RNF111: variants seen among roughly 807,000 people sequenced by gnomAD.
RNF111 encodes ring finger protein 111.
RNF111 carries 17 observed loss-of-function variants against 95.1 expected under a neutral mutation model. The ratio of observed to expected loss-of-function variants is 0.18; its 90% confidence interval spans 0.12 to 0.27. RNF111 has a LOEUF of 0.27. Ranked by LOEUF, RNF111 falls within the 10% of genes least tolerant of loss-of-function variation. RNF111 has a pLI of 1.00. For synonymous variants in RNF111, 440 were observed against 414.8 expected, an observed-to-expected ratio of 1.06 and a Z score of -0.74; for missense variants, 1,189 against 1,210.4, an observed-to-expected ratio of 0.98 and a Z score of 0.26.
Position 59,097,201 on chromosome 15 carries a change from A to G in RNF111, c.*2301A>G, listed in dbSNP as rs940026364. On this transcript the variant is annotated 3_prime_UTR_variant, in exon 14 of 14. Transcript: ENST00000348370. ...TTTGGTGTCTTCCATATCCTGCTGCATCTTATATGTCAAAATGAACATTTC... is the reference window on the plus strand; with the variant it reads ...TTTGGTGTCTTCCATATCCTGCTGCGTCTTATATGTCAAAATGAACATTTC... 6.6e-6 allele frequency: 1 copy of G among 152,242 alleles called. No individual in the cohort carries two copies. Among genetic ancestry groups the G allele is most frequent in the Non-Finnish European group, 1.5e-5 (1 of 68,046 alleles). The allele number at this position is 152,242 out of a possible 1,614,324, so 9.4% of individuals were successfully genotyped here.
At chr15:59,074,699 C>G (rs1449579237) in intron 6 of RNF111, among the ~76,000 whole-genome samples, 2 of 152,164 alleles carry the variant, frequency 1.3e-5, no homozygotes, top group Admixed American at 6.5e-5. Context: ...GTTTCAGTTT[C>G]TTATCATTTG....
Position 59,075,982 on chromosome 15 carries a change from G to A in RNF111, c.1715G>A (p.Ser572Asn). The change falls in exon 7 of 14, where the codon AGT becomes AAT. Residue 572 changes from serine to asparagine, a missense_variant. Around this residue, in one of 2 missense-constraint regions of RNF111, gnomAD observed 1,024 missense variants for 925.9 expected, o/e 1.11. Transcript: ENST00000348370. ...GCATTGCCAGTGGACCTGAGCAACA[G>A]TGGTATCAGAAGTCATGGAAGTGGC... ...QQALPVDLSN[S>N]GIRSHGSGSF... The A allele has an allele frequency of 6.2e-7, 1 of 1,614,202 alleles. No homozygotes were observed. The highest frequency in any genetic ancestry group is 8.5e-7 in the Non-Finnish European group (1 of 1,180,026).
chr15:58,991,881 T>C (rs1317620992), intron 1 of RNF111, among the ~76,000 whole-genome samples: 2 of 152,102 alleles, frequency 1.3e-5, no homozygotes, highest in Non-Finnish European at 2.9e-5. Context: ...TTTGAAACAT[T>C]GGGGGAAATC....
intron 1 of RNF111, among the ~76,000 whole-genome samples, chr15:59,020,359 G>A (rs1163043805): frequency 1.3e-5 from 2 of 151,874 alleles, no homozygotes; most frequent in African/African-American, 4.8e-5. Flanking sequence ...TCAGGATCCA[G>A]GCTTCCTTAC....
chr15:59,030,448 T>C (rs2040848001), intron 1 of RNF111, among the ~76,000 whole-genome samples: 3 of 152,204 alleles, frequency 2.0e-5, no homozygotes, highest in Non-Finnish European at 4.4e-5. Context: ...AATCCTTTTA[T>C]TTATATTTCA....
chr15:59,011,073 G>C (rs906607085), intron 1 of RNF111, among the ~76,000 whole-genome samples: 3 of 152,114 alleles, frequency 2.0e-5, no homozygotes, highest in African/African-American at 7.2e-5. Context: ...ATTGTATTTT[G>C]TCTTTCATAT....
intron 1 of RNF111, among the ~76,000 whole-genome samples, chr15:59,005,944 G>C (rs1018319489): frequency 6.6e-6 from 1 of 152,196 alleles, no homozygotes; most frequent in Non-Finnish European, 1.5e-5. Flanking sequence ...GCAGTGATGG[G>C]GATGTGGAGA....
rs1566942481 is a variant in RNF111 at position 59,084,147 on chromosome 15, C to G, written c.2316C>G (p.Pro772=). 6.2e-7 allele frequency: 1 copy of G among 1,606,652 alleles called. No individual in the cohort carries two copies. Among genetic ancestry groups the G allele is most frequent in the Non-Finnish European group, 8.5e-7 (1 of 1,176,670 alleles). Residue 772 remains proline, a synonymous_variant, in exon 9 of 14, where the codon CCC becomes CCG. Transcript: ENST00000348370. The stretch of plus-strand genomic sequence containing the variant: ...TTTCCAGGCGGGCACATGAACGCCC[C>G]CCACCCCATCCACATAGGATGCACC... ...MQHPTRAHER[P]PPHPHRMHPN...
intron 2 of RNF111, among the ~76,000 whole-genome samples, chr15:59,049,198 G>C (rs899384706): frequency 1.1e-4 from 16 of 152,064 alleles, no homozygotes; most frequent in African/African-American, 3.4e-4. Flanking sequence ...TCCTCGCTCT[G>C]ACCCTGGTTA....
chr15:59,062,710 A>T (rs933557723), intron 5 of RNF111, among the ~76,000 whole-genome samples: 15 of 152,182 alleles, frequency 9.9e-5, no homozygotes, highest in Non-Finnish European at 2.1e-4. Context: ...TACTCTTCTC[A>T]TTCTACAGGT....
chr15:59,034,503 G>C (rs1215303553), intron 2 of RNF111, among the ~76,000 whole-genome samples: 1 of 152,106 alleles, frequency 6.6e-6, no homozygotes, highest in Admixed American at 6.5e-5. Flanking sequence ...AATCCTTCCA[G>C]TACTCTTATG....
intron 5 of RNF111, among the ~76,000 whole-genome samples, chr15:59,062,836 A>G (rs776246182): frequency 7.2e-5 from 11 of 152,092 alleles, no homozygotes; most frequent in African/African-American, 1.2e-4. Flanking sequence ...TGGCACTACT[A>G]TTGACTTTGG....
chr15:58,993,581 C>T (rs1184498659), intron 1 of RNF111, among the ~76,000 whole-genome samples: 2 of 152,138 alleles, frequency 1.3e-5, no homozygotes, highest in Non-Finnish European at 2.9e-5. Context: ...TTCCCTTCCA[C>T]GCTTCTTTTC....
At chr15:59,001,225 A>G (rs1372954688) in intron 1 of RNF111, among the ~76,000 whole-genome samples, 1 of 151,972 alleles carries the variant, frequency 6.6e-6, no homozygotes, top group Non-Finnish European at 1.5e-5. Context: ...TTAGTGGAGT[A>G]GGTGAGGAGG....
At chr15:59,078,777 T>C (rs1217595351) in intron 7 of RNF111, among the ~76,000 whole-genome samples, 1 of 151,454 alleles carries the variant, frequency 6.6e-6, no homozygotes, top group Non-Finnish European at 1.5e-5. Flanking sequence ...GAGAATTGCT[T>C]GAACCTGGGA....
intron 5 of RNF111, among the ~76,000 whole-genome samples, chr15:59,064,331 C>T (rs143902713): frequency 0.033 from 5,080 of 151,876 alleles, 297 homozygotes; most frequent in African/African-American, 0.12. Context: ...GTCAGGAGAT[C>T]GAGACCATCC....
intron 7 of RNF111, among the ~76,000 whole-genome samples, chr15:59,077,516 T>C (rs1410870642): frequency 6.6e-6 from 1 of 152,176 alleles, no homozygotes; most frequent in African/African-American, 2.4e-5. Context: ...CTTTTAAAAA[T>C]GGGAAATCAA....
In RNF111 at chr15:59,006,899, C is replaced by T. The variant is rs139104742; in HGVS notation, c.-20+18831C>T. Among the ~76,000 whole-genome samples, 315 of 152,270 alleles carry T rather than the reference C, an allele frequency of 2.1e-3. 1 individual carries two copies. Among genetic ancestry groups the T allele is most frequent in the Non-Finnish European group, 2.9e-3 (195 of 68,028 alleles). On this transcript the variant is annotated intron_variant, in intron 1 of 13. Transcript: ENST00000348370. Reference sequence around the variant, plus strand: ...CCTCCCGGGTTCAAGCAGTTCTCTGCCTCAGCCCCCCGAGTAGCTGGGATT... The same window carrying T: ...CCTCCCGGGTTCAAGCAGTTCTCTGTCTCAGCCCCCCGAGTAGCTGGGATT...
chr15:59,067,841 C>T (rs997962231), intron 6 of RNF111, among the ~76,000 whole-genome samples: 9 of 152,134 alleles, frequency 5.9e-5, no homozygotes, highest in Admixed American at 6.6e-5. Context: ...CTTCACTCAT[C>T]TAAAAATAAA....
Sources: allele counts gnomAD v4.1 joint callset (sites outside exome capture counted in the v4.1 genomes callset), GRCh38; gene constraint gnomAD v4.1.1; regional missense constraint gnomAD v4.1.1; transcripts MANE v1.5; gene names NCBI Gene and HGNC (gene_info 2026-07-23, HGNC 2026-07-21).